The following RABGAP1L variants were observed in gnomAD, a reference collection of about 807,000 sequenced individuals.
The protein encoded by RABGAP1L is rab GTPase-activating protein 1-like.
RABGAP1L carries 63 observed loss-of-function variants against 137.7 expected under a neutral mutation model. That is an observed-to-expected ratio of 0.46 (90% CI 0.37 to 0.56). The LOEUF is 0.56. RABGAP1L is among the 20% of genes least tolerant of loss of function. The pLI, the probability that RABGAP1L is intolerant of heterozygous loss-of-function variation, is 0.00. For missense variants in RABGAP1L, 1,095 were observed against 1,244.0 expected (o/e 0.88, Z 1.80); for synonymous variants, 431 against 433.7 (o/e 0.99, Z 0.08).
At chr1:174,659,140 C>G (rs910277729) in intron 14 of RABGAP1L, among the ~76,000 whole-genome samples, 3 of 151,914 alleles carry the variant, frequency 2.0e-5, no homozygotes, top group Non-Finnish European at 4.4e-5. Context: ...GTCAGCACAT[C>G]CCTGTGTGCT....
intron 19 of RABGAP1L, among the ~76,000 whole-genome samples, chr1:174,904,165 T>C (rs1251466905): frequency 2.0e-5 from 3 of 152,098 alleles, no homozygotes; most frequent in Admixed American, 6.5e-5. Context: ...TGCCTGGCAA[T>C]AAGCTTGAGG....
intron 11 of RABGAP1L, among the ~76,000 whole-genome samples, chr1:174,361,550 A>G (rs1684145375): frequency 6.6e-6 from 1 of 152,126 alleles, no homozygotes; most frequent in African/African-American, 2.4e-5. Flanking sequence ...GCTATTATAA[A>G]TGGGATTACT....
At chr1:174,608,986 A>G (rs1043273350) in intron 13 of RABGAP1L, among the ~76,000 whole-genome samples, 71 of 152,250 alleles carry the variant, frequency 4.7e-4, no homozygotes, top group African/African-American at 1.7e-3. Context: ...CATATTGTGA[A>G]CTACTTAACA....
chr1:174,508,650 G>C (rs1006639637), intron 13 of RABGAP1L, among the ~76,000 whole-genome samples: 2 of 152,122 alleles, frequency 1.3e-5, no homozygotes, highest in Non-Finnish European at 2.9e-5. Flanking sequence ...AATTGTTATA[G>C]CATAATTCCT....
At chr1:174,752,214 A>G in intron 17 of RABGAP1L, 99 bp from the exon 18 acceptor site, 1 of 902,012 alleles carries the variant, frequency 1.1e-6, no homozygotes, top group Non-Finnish European at 1.7e-6. Context: ...AGATGAAAGC[A>G]ATTAGGAATT....
intron 14 of RABGAP1L, among the ~76,000 whole-genome samples, chr1:174,652,906 T>C (rs1675652152): frequency 6.6e-6 from 1 of 152,188 alleles, no homozygotes. Context: ...CAGCCTCCCC[T>C]TCCCCCAGGT....
At chr1:174,819,547 T>C (rs3133270) in intron 19 of RABGAP1L, among the ~76,000 whole-genome samples, 63,440 of 152,010 alleles carry the variant, frequency 0.42, 15,487 homozygotes, top group Non-Finnish European at 0.54. Flanking sequence ...AATAAAGATA[T>C]ATGAGAGCAA....
intron 13 of RABGAP1L, among the ~76,000 whole-genome samples, chr1:174,598,215 C>G (rs1003837804): frequency 1.3e-5 from 2 of 151,386 alleles, no homozygotes; most frequent in African/African-American, 2.4e-5. Context: ...GTAGTCCCAG[C>G]TACTTGGGAG....
intron 1 of RABGAP1L, among the ~76,000 whole-genome samples, chr1:174,202,528 T>C (rs1320765590): frequency 6.6e-6 from 1 of 152,182 alleles, no homozygotes; most frequent in Non-Finnish European, 1.5e-5. Flanking sequence ...TTTGTTTGAG[T>C]TCATTGTAGA....
At chr1:174,624,301 T>G (rs187893480) in intron 13 of RABGAP1L, among the ~76,000 whole-genome samples, 569 of 152,356 alleles carry the variant, frequency 3.7e-3, no homozygotes, top group Non-Finnish European at 6.2e-3. Flanking sequence ...CATTCTCCAC[T>G]GATTTCCCAT....
intron 13 of RABGAP1L, among the ~76,000 whole-genome samples, chr1:174,634,773 T>A (rs1673790411): frequency 6.9e-6 from 1 of 144,366 alleles, no homozygotes; most frequent in Non-Finnish European, 1.5e-5. Flanking sequence ...CTCAGTAAAC[T>A]ATTGCAAGAA....
In RABGAP1L at chr1:174,623,918, C is replaced by T. The variant is rs187279069; in HGVS notation, c.1711-13457C>T. 4.6e-5 allele frequency among the ~76,000 whole-genome samples: 7 copies of T among 152,334 alleles called. No individual in the cohort carries two copies. The East Asian group carries it at 5.8e-4, about 13-fold the overall frequency. ...TTTGAGTAAGGTTAATTTTTCACTA[C>T]ACTCTATGTCATTCAGATAGTAAAA... On this transcript the variant is annotated intron_variant, in intron 13 of 25. Coordinates refer to ENST00000681986, the MANE Select transcript of RABGAP1L (RefSeq NM_001366446.1).
At chr1:174,903,438 C>T (rs867518076) in intron 19 of RABGAP1L, among the ~76,000 whole-genome samples, 5 of 152,160 alleles carry the variant, frequency 3.3e-5, no homozygotes, top group African/African-American at 1.2e-4. Context: ...TTATCACAGA[C>T]CTTCCACAAA....
At chr1:174,813,621 G>C (rs1690100264) in intron 19 of RABGAP1L, among the ~76,000 whole-genome samples, 1 of 152,206 alleles carries the variant, frequency 6.6e-6, no homozygotes, top group Non-Finnish European at 1.5e-5. Context: ...TATTCAAAGA[G>C]ATCATTTTCC....
chr1:174,959,026 T>G (rs1012118113), intron 20 of RABGAP1L, among the ~76,000 whole-genome samples: 1 of 152,226 alleles, frequency 6.6e-6, no homozygotes, highest in African/African-American at 2.4e-5. Context: ...CTTATGTGGG[T>G]CTTCCCCTCT....
At chr1:174,702,066 T>C (rs775584213) in intron 16 of RABGAP1L, 47 bp from the exon 17 acceptor site, 1 of 1,571,266 alleles carries the variant, frequency 6.4e-7, no homozygotes, top group Non-Finnish European at 8.6e-7. Flanking sequence ...TTCATTGTTC[T>C]GCTGCAAGCT....
At chr1:174,286,801 A>T (rs547983851) in intron 10 of RABGAP1L, among the ~76,000 whole-genome samples, 3 of 151,870 alleles carry the variant, frequency 2.0e-5, no homozygotes, top group African/African-American at 4.8e-5. Flanking sequence ...TGACCCATTG[A>T]TTGCTCAGGA....
chr1:174,354,842 G>T (rs1006754436), intron 11 of RABGAP1L, among the ~76,000 whole-genome samples: 43 of 152,304 alleles, frequency 2.8e-4, no homozygotes, highest in African/African-American at 7.9e-4. Flanking sequence ...TTTGTATAAG[G>T]TGTAAGGAAG....
intron 13 of RABGAP1L, among the ~76,000 whole-genome samples, chr1:174,480,944 A>T (rs1232598215): frequency 6.6e-6 from 1 of 152,196 alleles, no homozygotes; most frequent in Non-Finnish European, 1.5e-5. Context: ...CAAGGTACTT[A>T]GGATTGGGGA....
Sources: gnomAD v4.1 joint callset for allele counts (sites outside exome capture counted in the v4.1 genomes callset) on GRCh38, gnomAD v4.1.1 for gene constraint, MANE v1.5 for transcripts, NCBI Gene and HGNC (gene_info 2026-07-23, HGNC 2026-07-21) for gene names.